SCN8A: variants seen among roughly 807,000 people sequenced by gnomAD.
SCN8A encodes the protein sodium channel protein type 8 subunit alpha.
Under a neutral mutation model 184.1 loss-of-function variants are expected in SCN8A, and 30 were observed. The observed-to-expected ratio is 0.16, with a 90% CI of 0.12 to 0.22. The LOEUF is 0.22. SCN8A is among the 10% of genes least tolerant of loss of function. SCN8A has a pLI of 1.00. For missense variants in SCN8A, 1,057 were observed against 2,498.9 expected (o/e 0.42, Z 12.30); for synonymous variants, 852 against 907.0 (o/e 0.94, Z 1.09).
At chr12:51,757,110 A>G (rs1942687552) in intron 14 of SCN8A, among the ~76,000 whole-genome samples, 1 of 152,134 alleles carries the variant, frequency 6.6e-6, no homozygotes, top group Admixed American at 6.5e-5. Flanking sequence ...CTGGTTGGGT[A>G]ACCAACCACC....
chr12:51,660,685 T>C (rs1940908662), intron 1 of SCN8A, among the ~76,000 whole-genome samples: 1 of 152,264 alleles, frequency 6.6e-6, no homozygotes, highest in Admixed American at 6.5e-5. Context: ...TCTGTTTCTT[T>C]ATCTGTTAAG....
chr12:51,802,723 C>A (rs1938589989), intron 26 of SCN8A, among the ~76,000 whole-genome samples: 1 of 152,162 alleles, frequency 6.6e-6, no homozygotes, highest in African/African-American at 2.4e-5. Flanking sequence ...CCTTGGTTCT[C>A]CACATATGGT....
chr12:51,750,354 G>T (rs997738139), intron 13 of SCN8A, among the ~76,000 whole-genome samples: 3 of 152,150 alleles, frequency 2.0e-5, no homozygotes, highest in Non-Finnish European at 4.4e-5. Flanking sequence ...AAAGAAAAAG[G>T]AAAGAAGATG....
chr12:51,680,074 T>TG, intron 2 of SCN8A, among the ~76,000 whole-genome samples: 1 of 152,182 alleles, frequency 6.6e-6, no homozygotes, highest in African/African-American at 2.4e-5. Flanking sequence ...ATCTAATTAT[T>TG]TCAATAATAA....
rs774443325 is a variant in SCN8A at position 51,744,493 on chromosome 12, C to T, written c.1999-1410C>T. The stretch of plus-strand genomic sequence containing the variant: ...AGTGTAGTAATGCAGCAAGGAATTC[C>T]CAGGGAAATCGGTTTTTTTTTTCCT... On this transcript the variant is annotated intron_variant, in intron 12 of 26. Coordinates refer to ENST00000627620, the MANE Select transcript of SCN8A (RefSeq NM_001330260.2). Among the ~76,000 whole-genome samples the T allele has an allele frequency of 5.9e-5, 9 of 152,090 alleles. No individual in the cohort carries two copies. The South Asian group carries it at 6.2e-4, about 11-fold the overall frequency.
chr12:51,789,481 C>G, intron 24 of SCN8A, 63 bp downstream of exon 24: 1 of 1,520,390 alleles, frequency 6.6e-7, no homozygotes, highest in African/African-American at 1.4e-5. Flanking sequence ...CACCTTTGTC[C>G]CTATCTCTAG....
At chr12:51,683,683 A>C (rs1941372478) in intron 2 of SCN8A, among the ~76,000 whole-genome samples, 1 of 152,126 alleles carries the variant, frequency 6.6e-6, no homozygotes, top group Admixed American at 6.6e-5. Flanking sequence ...TGTGTAGCAC[A>C]GCCTATATGA....
At chr12:51,789,777 A>G (rs1434350396) in intron 24 of SCN8A, among the ~76,000 whole-genome samples, 1 of 152,230 alleles carries the variant, frequency 6.6e-6, no homozygotes, top group Non-Finnish European at 1.5e-5. Context: ...ACTTGTGATT[A>G]TCTAGTCAAT....
intron 14 of SCN8A, among the ~76,000 whole-genome samples, chr12:51,762,175 ACTGCTGACCCTTTGAAAGGAG>A (rs1396349009): frequency 2.0e-5 from 3 of 152,176 alleles, no homozygotes; most frequent in Non-Finnish European, 4.4e-5. Flanking sequence ...ATTCAAAATG[ACTGCTGACCCTTTGAAAGGAG>A]TTGCCTGGTG....
At chr12:51,696,430 T>C (rs1000672428) in intron 6 of SCN8A, among the ~76,000 whole-genome samples, 1 of 152,170 alleles carries the variant, frequency 6.6e-6, no homozygotes, top group African/African-American at 2.4e-5. Context: ...TAAATGAAAA[T>C]AAATTCCATT....
intron 20 of SCN8A, 60 bp from the exon 21 acceptor site, chr12:51,780,589 T>TGG: frequency 3.1e-6 from 1 of 322,104 alleles, no homozygotes; most frequent in Non-Finnish European, 5.2e-6. Flanking sequence ...TTTTTTTTTT[T>TGG]TTTTTTTTTT....
intron 2 of SCN8A, among the ~76,000 whole-genome samples, chr12:51,683,864 G>T (rs535874665): frequency 2.4e-4 from 36 of 152,288 alleles, no homozygotes; most frequent in African/African-American, 8.4e-4. Flanking sequence ...CTAAATTAAT[G>T]AACTTCAGTA....
chr12:51,677,105 T>TA (rs781218724), intron 2 of SCN8A, among the ~76,000 whole-genome samples: 4 of 146,330 alleles, frequency 2.7e-5, no homozygotes, highest in Non-Finnish European at 6.0e-5. Context: ...TATTTTATTT[T>TA]ATTTTACCAA....
intron 21 of SCN8A, among the ~76,000 whole-genome samples, chr12:51,786,135 C>T (rs1175932798): frequency 6.6e-6 from 1 of 152,110 alleles, no homozygotes; most frequent in Non-Finnish European, 1.5e-5. Context: ...AACAATTATA[C>T]CTTGTTTTTC....
chr12:51,680,786 G>A (rs1212220965), intron 2 of SCN8A, among the ~76,000 whole-genome samples: 2 of 152,066 alleles, frequency 1.3e-5, no homozygotes, highest in African/African-American at 4.8e-5. Context: ...CGGATCATCC[G>A]AAGTCAGGAG....
intron 21 of SCN8A, among the ~76,000 whole-genome samples, chr12:51,781,385 A>AG (rs1469108564): frequency 1.3e-5 from 2 of 152,086 alleles, no homozygotes; most frequent in Admixed American, 6.5e-5. Flanking sequence ...CTGATAGCAA[A>AG]GCTTTTTTCC....
In SCN8A at chr12:51,594,763, T is replaced by C. The variant is rs555555331; in HGVS notation, c.-55+3404T>C. Among the ~76,000 whole-genome samples, 30 of 152,176 alleles carry C rather than the reference T, an allele frequency of 2.0e-4. 1 individual carries two copies. Among genetic ancestry groups the C allele is most frequent in the Non-Finnish European group, 3.7e-4 (25 of 68,026 alleles). The stretch of plus-strand genomic sequence containing the variant: ...TTGCTTCTACCATAAGCAAAACAAT[T>C]ATCTGTGTTTTATTATGTTTTTCCA... On this transcript the variant is annotated intron_variant, in intron 1 of 26. Transcript: ENST00000627620.
chr12:51,765,925 G>A lies in SCN8A; in HGVS notation c.2799G>A (p.Leu933=), dbSNP rs774522197. The change falls in exon 16 of 27, where the codon TTG becomes TTA. Residue 933 remains leucine (L), a synonymous_variant. Transcript: ENST00000627620. ...CCTTCCTCATTGTCTTTCGAGTGTT[G>A]TGCGGGGAGTGGATTGAGACCATGT... ...FHSFLIVFRV[L]CGEWIETMWD... 1.2e-6 allele frequency: 2 copies of A among 1,614,160 alleles called. No homozygotes were observed. Among genetic ancestry groups the A allele is most frequent in the East Asian group, 4.5e-5 (2 of 44,876 alleles).
intron 12 of SCN8A, among the ~76,000 whole-genome samples, chr12:51,745,225 T>C (rs2138827420): frequency 6.6e-6 from 1 of 152,328 alleles, no homozygotes; most frequent in African/African-American, 2.4e-5. Context: ...AATTTGAACA[T>C]TGCAGGTTAA....
Sources: gnomAD v4.1 joint callset for allele counts (sites outside exome capture counted in the v4.1 genomes callset) on GRCh38, gnomAD v4.1.1 for gene constraint, MANE v1.5 for transcripts, NCBI Gene and HGNC (gene_info 2026-07-23, HGNC 2026-07-21) for gene names.